The following DOK7 variants were observed in gnomAD, a reference collection of about 807,000 sequenced individuals.
DOK7 encodes the protein docking protein 7.
DOK7 carries 32 observed loss-of-function variants against 30.7 expected under a neutral mutation model. The observed-to-expected ratio is 1.04, with a 90% CI of 0.79 to 1.40. DOK7 has a LOEUF of 1.40. Among genes scored for constraint, DOK7 ranks in the 40% most tolerant of loss-of-function variants. The probability of loss-of-function intolerance (pLI) is 0.00; values close to 1 mark genes in which losing one functional copy is unlikely to be tolerated. For missense variants in DOK7, 1,007 were observed against 699.2 expected, an observed-to-expected ratio of 1.44 and a Z score of -4.97; for synonymous variants, 447 against 324.1, an observed-to-expected ratio of 1.38 and a Z score of -4.07.
intron 3 of DOK7, among the ~76,000 whole-genome samples, chr4:3,475,433 T>C (rs1044495782): frequency 6.6e-6 from 1 of 152,086 alleles, no homozygotes; most frequent in African/African-American, 2.4e-5. Flanking sequence ...GGGTTGGAGA[T>C]GGAGCAGGTG....
intron 5 of DOK7, among the ~76,000 whole-genome samples, chr4:3,486,534 C>G (rs1003509117): frequency 8.5e-5 from 13 of 152,198 alleles, no homozygotes; most frequent in African/African-American, 3.1e-4. Flanking sequence ...CCTCCCTTCT[C>G]CTGGCCACAG....
At chr4:3,499,839 G>T (rs867685861) in intron 6 of DOK7, among the ~76,000 whole-genome samples, 6 of 152,088 alleles carry the variant, frequency 3.9e-5, no homozygotes, top group Non-Finnish European at 8.8e-5. Context: ...GGGCTGTGCT[G>T]GCCCGGGAGG....
rs543525751 is a variant in DOK7 at position 3,463,455 on chromosome 4, G to A, written c.54+26G>A. The A allele has an allele frequency of 8.1e-5, 114 of 1,412,486 alleles. No individual in the cohort carries two copies. The highest frequency in any genetic ancestry group is 9.6e-5 in the Non-Finnish European group (104 of 1,085,184). The allele number at this position is 1,412,486 out of a possible 1,614,324, so 87.5% of individuals were successfully genotyped here. ...GTCGGGGCGCGTCGGGGGCGCGGGG[G>A]GGGGGGGCGCGGGCGCGGGCGGCGG... On this transcript the variant is annotated intron_variant, in intron 1 of 6. Coordinates refer to ENST00000340083, the MANE Select transcript of DOK7 (RefSeq NM_173660.5).
chr4:3,485,600 C>T lies in DOK7; in HGVS notation c.594C>T (p.Cys198=). 1 of 1,608,268 alleles carries T rather than the reference C, an allele frequency of 6.2e-7. No homozygotes were observed. The change falls in exon 5 of 7, where the codon TGC becomes TGT. Residue 198 remains cysteine (C), a synonymous_variant. Transcript: ENST00000340083. ...EGEQISFLFD[C]IVRGISPTKG... is the part of the protein sequence containing the mutation. ...AGCAGATCAGCTTCCTGTTCGACTG[C>T]ATCGTCCGAGGCATCTCCCCCACCA...
At chr4:3,486,529 C>T (rs1301183922) in intron 5 of DOK7, among the ~76,000 whole-genome samples, 6 of 152,326 alleles carry the variant, frequency 3.9e-5, no homozygotes, top group African/African-American at 1.4e-4. Context: ...CTGGGCCTCC[C>T]TTCTCCTGGC....
chr4:3,491,781 G>GTGGCTC (rs1462861025), intron 6 of DOK7, among the ~76,000 whole-genome samples: 4 of 152,376 alleles, frequency 2.6e-5, no homozygotes, highest in South Asian at 4.1e-4. Flanking sequence ...TCAGCTGCCG[G>GTGGCTC]TGGCTCTGGC....
chr4:3,492,089 G>A (rs1418685877), intron 6 of DOK7, among the ~76,000 whole-genome samples: 1 of 152,244 alleles, frequency 6.6e-6, no homozygotes, highest in Admixed American at 6.5e-5. Context: ...CTGGAAGGCA[G>A]AGCAGGCAGC....
chr4:3,479,540 C>G lies in DOK7; in HGVS notation c.532+2998C>G, dbSNP rs191339700. Among the ~76,000 whole-genome samples the G allele has an allele frequency of 3.3e-4, 51 of 152,352 alleles. 6 individuals are homozygous for G. The East Asian group carries it at 4.8e-3, about 14-fold the overall frequency. ...TCTTGGGTGTAGGAAATCCACATTC[C>G]CTCCTTCCCCAGGGACAGGTCCTAG... On this transcript the variant is annotated intron_variant, in intron 4 of 6. Transcript: ENST00000340083.
At chr4:3,467,595 C>T (rs914380295) in intron 2 of DOK7, among the ~76,000 whole-genome samples, 2 of 151,822 alleles carry the variant, frequency 1.3e-5, no homozygotes, top group Non-Finnish European at 2.9e-5. Flanking sequence ...ACATGTGCAC[C>T]TGTACACACC....
chr4:3,480,761 T>C (rs1727396267), intron 4 of DOK7, among the ~76,000 whole-genome samples: 1 of 152,238 alleles, frequency 6.6e-6, no homozygotes, highest in African/African-American at 2.4e-5. Context: ...AACCCTGGCC[T>C]CTGTCAGGCA....
At chr4:3,500,607 T>C in intron 7 of DOK7, 1 of 1,530,102 alleles carries the variant, frequency 6.5e-7, no homozygotes, top group Non-Finnish European at 8.7e-7. Context: ...TCCGAGGGCC[T>C]GGCTGGGGGA....
chr4:3,466,692 G>A (rs554548809), intron 2 of DOK7, among the ~76,000 whole-genome samples: 2 of 152,352 alleles, frequency 1.3e-5, no homozygotes, highest in Non-Finnish European at 2.9e-5. Flanking sequence ...TGTGGGAGCA[G>A]TGACCTGGGA....
At position 3,493,959 on chromosome 4, in the gene DOK7, A is replaced by G. The variant is rs997506106; in HGVS notation, c.*458A>G. Reference sequence around the variant, plus strand: ...CACCTGTTAAGCATCAAGCTACCACAGAGGCTCCGGCCACCTGGGCTCCAC... The same window carrying G: ...CACCTGTTAAGCATCAAGCTACCACGGAGGCTCCGGCCACCTGGGCTCCAC... On this transcript the variant is annotated 3_prime_UTR_variant, in exon 7 of 7. Coordinates refer to ENST00000340083, the MANE Select transcript of DOK7 (RefSeq NM_173660.5). The G allele has an allele frequency of 1.0e-6, 1 of 999,678 alleles. No homozygotes were observed. Among genetic ancestry groups the G allele is most frequent in the Non-Finnish European group, 1.2e-6 (1 of 840,276 alleles). The allele number at this position is 999,678 out of a possible 1,614,324, so 61.9% of individuals were successfully genotyped here.
chr4:3,484,611 G>A, intron 4 of DOK7: 1 of 985,516 alleles, frequency 1.0e-6, no homozygotes. Flanking sequence ...ACTCGCAGCT[G>A]GGGCTTCTCC....
At chr4:3,468,826 AGTGT>A (rs770022480) in intron 2 of DOK7, among the ~76,000 whole-genome samples, 2 of 110,272 alleles carry the variant, frequency 1.8e-5, no homozygotes, top group African/African-American at 7.3e-5. Flanking sequence ...GTATGCATGG[AGTGT>A]GTGTGTGCGT....
intron 6 of DOK7, among the ~76,000 whole-genome samples, chr4:3,499,694 C>A (rs541292424): frequency 3.3e-5 from 5 of 151,864 alleles, no homozygotes; most frequent in South Asian, 2.1e-4. Context: ...GTGTGGGGCA[C>A]CTGGGTGTCC....
intron 3 of DOK7, among the ~76,000 whole-genome samples, chr4:3,474,546 G>A (rs953307258): frequency 2.6e-5 from 4 of 152,206 alleles, no homozygotes; most frequent in African/African-American, 9.7e-5. Flanking sequence ...TGATGGCCAG[G>A]TGCAGTGGCT....
At position 3,493,854 on chromosome 4, in the gene DOK7, G is replaced by A. The variant is rs1175830205; in HGVS notation, c.*353G>A. 3.1e-5 allele frequency: 36 copies of A among 1,168,536 alleles called. No homozygotes were observed. The highest frequency in any genetic ancestry group is 1.1e-4 in the South Asian group (4 of 37,470). The allele number at this position is 1,168,536 out of a possible 1,614,324, so 72.4% of individuals were successfully genotyped here. On this transcript the variant is annotated 3_prime_UTR_variant, in exon 7 of 7. Coordinates refer to ENST00000340083, the MANE Select transcript of DOK7 (RefSeq NM_173660.5). ...GGTGCCAAGGGCTGGAGGCCCTGCCGCTGGCCTTGTCCTCCTTGGGCCTCA... is the reference window on the plus strand; with the variant it reads ...GGTGCCAAGGGCTGGAGGCCCTGCCACTGGCCTTGTCCTCCTTGGGCCTCA...
intron 2 of DOK7, 51 bp from the exon 3 acceptor site, chr4:3,473,355 G>T (rs1280068609): frequency 6.3e-7 from 1 of 1,587,030 alleles, no homozygotes. Context: ...GACGCCAAGG[G>T]TGCGGGCAGG....
Sources: allele counts gnomAD v4.1 joint callset (sites outside exome capture counted in the v4.1 genomes callset), GRCh38; gene constraint gnomAD v4.1.1; transcripts MANE v1.5; gene names NCBI Gene and HGNC (gene_info 2026-07-23, HGNC 2026-07-21).